The following ACAD11 variants were observed in gnomAD, a reference collection of about 807,000 sequenced individuals.
ACAD11 encodes the protein acyl-CoA dehydrogenase family member 11.
A neutral mutation model predicts 102.2 loss-of-function variants in ACAD11; 83 were observed. The ratio of observed to expected loss-of-function variants is 0.81; its 90% CI spans 0.68 to 0.97. The LOEUF is 0.97. Ranked by LOEUF, ACAD11 falls within the 50% of genes least tolerant of loss-of-function variation. The pLI, the probability that ACAD11 is intolerant of heterozygous loss-of-function variation, is 0.00. For missense variants in ACAD11, 901 were observed against 951.7 expected (o/e 0.95, Z 0.70); for synonymous variants, 324 against 319.8 (o/e 1.01, Z -0.14).
At chr3:132,589,697 A>T (rs1483299343) in intron 13 of ACAD11, among the ~76,000 whole-genome samples, 2 of 152,152 alleles carry the variant, frequency 1.3e-5, no homozygotes, top group Non-Finnish European at 2.9e-5. Flanking sequence ...TTCATTAGAA[A>T]TATTTTCTTT....
intron 13 of ACAD11, among the ~76,000 whole-genome samples, chr3:132,599,878 TTTAAA>T (rs1489833365): frequency 3.7e-4 from 56 of 152,274 alleles, no homozygotes; most frequent in African/African-American, 9.9e-4. Flanking sequence ...ATTTAACTTA[TTTAAA>T]TTAAATTTAT....
chr3:132,618,764 G>T lies in ACAD11; in HGVS notation c.1284C>A (p.Ala428=). 6.3e-7 allele frequency: 1 copy of T among 1,590,142 alleles called. No individual in the cohort carries two copies. The highest frequency in any genetic ancestry group is 1.2e-5 in the South Asian group (1 of 86,706). The part of the protein sequence containing the change: ...PLVIDKLKEM[A]KVEGLWNLFL... Reference sequence around the variant, plus strand: ...ACAAGTTCCAGAGACCCTCGACTTTGGCCATTTCCTGTCAAGGTGATGAAC... The same window carrying T: ...ACAAGTTCCAGAGACCCTCGACTTTTGCCATTTCCTGTCAAGGTGATGAAC... Residue 428 remains alanine, a synonymous_variant, in exon 11 of 20, where the codon GCC becomes GCA. Coordinates refer to ENST00000264990, the MANE Select transcript of ACAD11 (RefSeq NM_032169.5).
chr3:132,561,561 T>C (rs571157180), intron 17 of ACAD11, among the ~76,000 whole-genome samples: 4 of 152,332 alleles, frequency 2.6e-5, no homozygotes, highest in African/African-American at 7.2e-5. Flanking sequence ...TGAATGCTAA[T>C]TGCCTGCTGT....
intron 13 of ACAD11, among the ~76,000 whole-genome samples, chr3:132,591,314 T>C (rs1194264168): frequency 1.3e-5 from 2 of 152,164 alleles, no homozygotes; most frequent in Non-Finnish European, 2.9e-5. Context: ...CAGATGGTCA[T>C]AGGTGAGCAG....
Position 132,628,443 on chromosome 3 carries a change from C to T in ACAD11, c.967G>A (p.Val323Ile). 1.3e-6 allele frequency: 2 copies of T among 1,582,706 alleles called. No individual in the cohort carries two copies. Among genetic ancestry groups the T allele is most frequent in the Non-Finnish European group, 1.7e-6 (2 of 1,158,954 alleles). ...TTTCCCAGAAGATATCTGCTATATA[C>T]TCCCTATAAATAAACATAGAACAAT... ...YFKMAGIAQG[V>I]YSRYLLGNNS... The change falls in exon 8 of 20, where the codon GTA becomes ATA. Residue 323 changes from valine (V) to isoleucine (I), a missense_variant. Coordinates refer to ENST00000264990, the MANE Select transcript of ACAD11 (RefSeq NM_032169.5).
At chr3:132,603,170 C>T (rs1938689769) in intron 13 of ACAD11, 59 bp downstream of exon 13, 1 of 1,311,868 alleles carries the variant, frequency 7.6e-7, no homozygotes, top group East Asian at 2.3e-5. Context: ...AATATTCTAG[C>T]ATAGCATCTG....
At chr3:132,566,296 C>CAAAAAAAAAAAAAAAAAAAAAAAAAAAA (rs371477145) in intron 17 of ACAD11, among the ~76,000 whole-genome samples, 2 of 61,888 alleles carry the variant, frequency 3.2e-5, no homozygotes, top group African/African-American at 4.6e-5. Flanking sequence ...AAAACAAACT[C>CAAAAAAAAAAAAAAAAAAAAAAAAAAAA]AAAAAAACAA....
At chr3:132,601,235 C>T (rs375005712) in intron 13 of ACAD11, 26 of 1,613,950 alleles carry the variant, frequency 1.6e-5, no homozygotes, top group Admixed American at 8.3e-5. Context: ...CATGAGCAAA[C>T]GCATGGACAT....
chr3:132,619,471 G>A lies in ACAD11; in HGVS notation c.1272C>T (p.Leu424=). Residue 424 remains leucine, a synonymous_variant, in exon 10 of 20, where the codon CTC becomes CTT. Coordinates refer to ENST00000264990, the MANE Select transcript of ACAD11 (RefSeq NM_032169.5). ...CTAGCGTTAAAGATTTTCTTACCTTGAGTTTATCAATCACTAAAGGTTTTC... is the reference window on the plus strand; with the variant it reads ...CTAGCGTTAAAGATTTTCTTACCTTAAGTTTATCAATCACTAAAGGTTTTC... The part of the protein sequence containing the change: ...KWGKPLVIDK[L]KEMAKVEGLW... 2 of 1,576,002 alleles carry A rather than the reference G, an allele frequency of 1.3e-6. No homozygotes were observed. Among genetic ancestry groups the A allele is most frequent in the Non-Finnish European group, 1.7e-6 (2 of 1,164,224 alleles).
intron 11 of ACAD11, chr3:132,618,359 T>C (rs1044582519): frequency 1.9e-5 from 7 of 367,696 alleles, no homozygotes; most frequent in East Asian, 1.2e-4. Context: ...CCAATTCCCA[T>C]GGATCCATGA....
At chr3:132,637,272 T>A (rs1941073679) in intron 5 of ACAD11, among the ~76,000 whole-genome samples, 2 of 152,180 alleles carry the variant, frequency 1.3e-5, no homozygotes, top group Admixed American at 6.5e-5. Flanking sequence ...ACTTTATAAT[T>A]CTTACATTAC....
intron 13 of ACAD11, among the ~76,000 whole-genome samples, chr3:132,602,541 T>C (rs891454200): frequency 1.3e-5 from 2 of 152,192 alleles, no homozygotes; most frequent in Non-Finnish European, 2.9e-5. Context: ...TTAATTAACA[T>C]GTACAGCTTA....
chr3:132,645,944 T>C (rs1940699669), intron 1 of ACAD11: 1 of 152,144 alleles, frequency 6.6e-6, no homozygotes, highest in Non-Finnish European at 1.5e-5. Flanking sequence ...TATAGAACAA[T>C]TTATCTTTGA....
chr3:132,573,749 T>C (rs1937450148), intron 17 of ACAD11, among the ~76,000 whole-genome samples: 1 of 152,234 alleles, frequency 6.6e-6, no homozygotes, highest in Admixed American at 6.5e-5. Flanking sequence ...CTATAGACCC[T>C]AGATTTGCTG....
chr3:132,610,776 C>G (rs1213360248), intron 11 of ACAD11, among the ~76,000 whole-genome samples: 3 of 152,128 alleles, frequency 2.0e-5, no homozygotes, highest in African/African-American at 7.2e-5. Context: ...GGATTCACAG[C>G]TGAATTCTAC....
intron 17 of ACAD11, among the ~76,000 whole-genome samples, chr3:132,567,625 G>T (rs1353057999): frequency 1.3e-5 from 2 of 152,136 alleles, no homozygotes; most frequent in East Asian, 3.8e-4. Context: ...TAACATATCA[G>T]TTATTATAAA....
intron 11 of ACAD11, 59 bp from the exon 12 acceptor site, chr3:132,605,264 C>A (rs41272315): frequency 2.4e-6 from 3 of 1,261,776 alleles, no homozygotes; most frequent in African/African-American, 1.5e-5. Flanking sequence ...ATGAAATCCA[C>A]AACTTTATGT....
chr3:132,645,824 T>A (rs1940694892), intron 1 of ACAD11: 1 of 152,238 alleles, frequency 6.6e-6, no homozygotes, highest in Non-Finnish European at 1.5e-5. Flanking sequence ...CAAGGAGCAC[T>A]GGTTTTGGTA....
intron 9 of ACAD11, among the ~76,000 whole-genome samples, chr3:132,620,635 A>G (rs1315584828): frequency 6.6e-6 from 1 of 152,220 alleles, no homozygotes; most frequent in Non-Finnish European, 1.5e-5. Context: ...TTCAAGAATA[A>G]AGGAAGAAAT....
Sources: allele counts gnomAD v4.1 joint callset (sites outside exome capture counted in the v4.1 genomes callset), GRCh38; gene constraint gnomAD v4.1.1; transcripts MANE v1.5; gene names NCBI Gene and HGNC (gene_info 2026-07-23, HGNC 2026-07-21).